Variants in ADAM9 observed in about 807,000 individuals in gnomAD.
ADAM9 encodes ADAM metallopeptidase domain 9.
A neutral mutation model predicts 108.1 loss-of-function variants in ADAM9; 54 were observed. The observed-to-expected ratio is 0.50, with a 90% CI of 0.40 to 0.63. The LOEUF (loss-of-function observed/expected upper bound fraction) is 0.63, where lower values mean the gene tolerates loss of function less well. ADAM9 is among the 20% of genes least tolerant of loss of function. The pLI is 0.00. For missense variants in ADAM9, 830 were observed against 997.7 expected, an observed-to-expected ratio of 0.83 and a Z score of 2.26; for synonymous variants, 316 against 336.0, an observed-to-expected ratio of 0.94 and a Z score of 0.65.
chr8:39,083,512 A>C (rs1839086805), intron 18 of ADAM9, among the ~76,000 whole-genome samples: 1 of 152,202 alleles, frequency 6.6e-6, no homozygotes, highest in Non-Finnish European at 1.5e-5. Context: ...TGTTGAAGAC[A>C]TATTGTAACT....
chr8:39,017,288 C>T lies in ADAM9; in HGVS notation c.480C>T (p.His160=). 6.2e-7 allele frequency: 1 copy of T among 1,614,058 alleles called. No homozygotes were observed. Among genetic ancestry groups the T allele is most frequent in the Non-Finnish European group, 8.5e-7 (1 of 1,180,012 alleles). ...EPLQNSSHFE[H]IIYRMDDVYK... Reference sequence around the variant, plus strand: ...TGCAGAACAGCTCTCATTTTGAGCACATCATTTATCGAATGGATGATGTCT... The same window carrying T: ...TGCAGAACAGCTCTCATTTTGAGCATATCATTTATCGAATGGATGATGTCT... The change falls in exon 6 of 22, where the codon CAC becomes CAT. Residue 160 remains histidine, a synonymous_variant. Coordinates refer to ENST00000487273, the MANE Select transcript of ADAM9 (RefSeq NM_003816.3).
intron 1 of ADAM9, among the ~76,000 whole-genome samples, chr8:39,000,911 G>A (rs1008570203): frequency 1.3e-5 from 2 of 152,132 alleles, no homozygotes; most frequent in Non-Finnish European, 2.9e-5. Flanking sequence ...AAAAGAAAAT[G>A]ATATCACCCC....
rs534074764 is a variant in ADAM9 at position 39,019,180 on chromosome 8, A to C, written c.672+262A>C. On this transcript the variant is annotated intron_variant, in intron 7 of 21. Transcript: ENST00000487273. ...CTTGCTGATGACTTGCTTATGCTGA[A>C]TTTTTTGAGTGAATCTGTACTGCCT... 8.4e-4 allele frequency among the ~76,000 whole-genome samples: 127 copies of C among 152,004 alleles called. 1 individual carries two copies. Among genetic ancestry groups the C allele is most frequent in the African/African-American group, 3.0e-3 (123 of 41,476 alleles).
In ADAM9 at chr8:38,997,102, T is replaced by A; in HGVS notation, c.39T>A (p.Arg13=). ...CGCGCTTTCCCTCGGGGACCCTTCG[T>A]GTCCGGTGGTTGCTGTTGCTTGGCC... ...SGARFPSGTL[R]VRWLLLLGLV... Residue 13 remains arginine (R), a synonymous_variant, in exon 1 of 22, where the codon CGT becomes CGA. Coordinates refer to ENST00000487273, the MANE Select transcript of ADAM9 (RefSeq NM_003816.3). The A allele has an allele frequency of 6.2e-7, 1 of 1,606,414 alleles. No individual in the cohort carries two copies. The highest frequency in any genetic ancestry group is 8.5e-7 in the Non-Finnish European group (1 of 1,179,546).
chr8:39,053,285 TAGC>T (rs1838015494), intron 12 of ADAM9, among the ~76,000 whole-genome samples: 1 of 152,180 alleles, frequency 6.6e-6, no homozygotes, highest in East Asian at 1.9e-4. Flanking sequence ...TTAATTAACT[TAGC>T]AGTATATTTT....
intron 12 of ADAM9, among the ~76,000 whole-genome samples, chr8:39,045,872 G>T (rs7833803): frequency 1 from 151,799 of 151,858 alleles, 75,870 homozygotes; most frequent in Non-Finnish European, 1. Context: ...TCTGCACCAA[G>T]ATCAGCCTTT....
chr8:39,081,488 C>T (rs760030971), intron 16 of ADAM9, among the ~76,000 whole-genome samples: 3 of 152,144 alleles, frequency 2.0e-5, no homozygotes, highest in Non-Finnish European at 4.4e-5. Context: ...GTAAATATCT[C>T]CTCTAAAGAC....
intron 12 of ADAM9, among the ~76,000 whole-genome samples, chr8:39,045,379 CCTATA>C (rs1564301114): frequency 2.9e-3 from 111 of 37,876 alleles, no homozygotes; most frequent in African/African-American, 4.4e-3. Context: ...TGTACATACA[CCTATA>C]GGTGTGTGTA....
intron 11 of ADAM9, among the ~76,000 whole-genome samples, chr8:39,032,021 T>A (rs1837110262): frequency 6.6e-6 from 1 of 152,196 alleles, no homozygotes; most frequent in South Asian, 2.1e-4. Context: ...CAAATATTGC[T>A]GCCTGATCCT....
intron 18 of ADAM9, among the ~76,000 whole-genome samples, chr8:39,085,870 G>A (rs924285589): frequency 1.3e-5 from 2 of 151,878 alleles, no homozygotes; most frequent in Admixed American, 6.6e-5. Flanking sequence ...TTTGGCCATC[G>A]TTTCTTCGAA....
chr8:39,041,996 C>T lies in ADAM9; in HGVS notation c.1181C>T (p.Thr394Ile), dbSNP rs1021775417. 5.6e-6 allele frequency: 9 copies of T among 1,614,068 alleles called. No individual in the cohort carries two copies. The African/African-American group carries it at 1.2e-4, about 22-fold the overall frequency. ...SCSAEDFEKL[T>I]LNKGGNCLLN... Reference sequence around the variant, plus strand: ...AGTGCAGAGGACTTTGAGAAGTTAACTTTAAATAAAGGAGGAAACTGCCTT... The same window carrying T: ...AGTGCAGAGGACTTTGAGAAGTTAATTTTAAATAAAGGAGGAAACTGCCTT... Residue 394 changes from threonine to isoleucine, a missense_variant, in exon 12 of 22, where the codon ACT becomes ATT. Transcript: ENST00000487273.
At chr8:39,095,749 A>G (rs1010295429) in intron 20 of ADAM9, among the ~76,000 whole-genome samples, 2 of 152,140 alleles carry the variant, frequency 1.3e-5, no homozygotes, top group Non-Finnish European at 2.9e-5. Flanking sequence ...TTGGGTTGCT[A>G]TTTAGCTCTC....
At chr8:39,000,700 C>G (rs562275466) in intron 1 of ADAM9, among the ~76,000 whole-genome samples, 36 of 152,206 alleles carry the variant, frequency 2.4e-4, no homozygotes, top group African/African-American at 6.7e-4. Context: ...CTCCTGGGCT[C>G]AAGTGTTCCT....
intron 3 of ADAM9, among the ~76,000 whole-genome samples, chr8:39,012,117 A>G (rs1440581758): frequency 6.6e-6 from 1 of 152,214 alleles, no homozygotes; most frequent in African/African-American, 2.4e-5. Flanking sequence ...GGACAAAGAA[A>G]GTGCAGGCAG....
chr8:39,052,887 T>C (rs546857244), intron 12 of ADAM9, among the ~76,000 whole-genome samples: 1 of 152,310 alleles, frequency 6.6e-6, no homozygotes, highest in East Asian at 1.9e-4. Flanking sequence ...GTAGAGGTAT[T>C]TAACTTTTCA....
At position 39,067,745 on chromosome 8, in the gene ADAM9, C is replaced by T. The variant is rs905249249; in HGVS notation, c.1592-3553C>T. Among the ~76,000 whole-genome samples the T allele has an allele frequency of 7.2e-5, 11 of 152,246 alleles. 1 individual carries two copies. In the South Asian group the frequency reaches 1.5e-3, roughly 20 times the overall value. ...ATTGAATACCCTTTATTTCTTTCTC[C>T]TGCCTGATTGCCCTGGCCAGAACTT... On this transcript the variant is annotated intron_variant, in intron 14 of 21. Coordinates refer to ENST00000487273, the MANE Select transcript of ADAM9 (RefSeq NM_003816.3).
At chr8:39,019,049 T>A in intron 7 of ADAM9, 131 bp downstream of exon 7, 1 of 908,216 alleles carries the variant, frequency 1.1e-6, no homozygotes, top group Non-Finnish European at 1.7e-6. Context: ...ACTAAAATGG[T>A]TTTTTTCCCT....
At chr8:39,082,551 G>T in intron 16 of ADAM9, 90 bp from the exon 17 acceptor site, 1 of 932,938 alleles carries the variant, frequency 1.1e-6, no homozygotes, top group South Asian at 1.5e-5. Context: ...ATTCTGCAAT[G>T]AAATAATCTG....
chr8:39,041,551 A>G (rs1430824034), intron 11 of ADAM9, among the ~76,000 whole-genome samples: 2 of 152,236 alleles, frequency 1.3e-5, no homozygotes, highest in East Asian at 3.8e-4. Flanking sequence ...TTCAGAGTAG[A>G]AAAAAGATTG....
Sources: allele counts gnomAD v4.1 joint callset (sites outside exome capture counted in the v4.1 genomes callset), GRCh38; gene constraint gnomAD v4.1.1; transcripts MANE v1.5; gene names NCBI Gene and HGNC (gene_info 2026-07-23, HGNC 2026-07-21).